ZFAND6: variants seen among roughly 807,000 people sequenced by gnomAD.
ZFAND6 encodes the protein AN1-type zinc finger protein 6.
ZFAND6 carries 12 observed loss-of-function variants against 24.5 expected under a neutral mutation model. That is an observed-to-expected ratio of 0.49 (90% CI 0.31 to 0.79). ZFAND6 has a LOEUF of 0.79. ZFAND6 is among the 30% of genes least tolerant of loss of function. The pLI, the probability that ZFAND6 is intolerant of heterozygous loss-of-function variation, is 0.04. For missense variants in ZFAND6, 207 were observed against 245.9 expected (o/e 0.84, Z 1.06); for synonymous variants, 92 against 81.5 (o/e 1.13, Z -0.69).
At chr15:80,133,456 A>G (rs1012600942) in intron 6 of ZFAND6, among the ~76,000 whole-genome samples, 2 of 151,978 alleles carry the variant, frequency 1.3e-5, no homozygotes, top group African/African-American at 4.8e-5. Context: ...CAGCCTCCCA[A>G]AGTGCTGGGA....
At chr15:80,064,062 A>G (rs575001383) in intron 1 of ZFAND6, among the ~76,000 whole-genome samples, 8 of 152,352 alleles carry the variant, frequency 5.3e-5, no homozygotes, top group Non-Finnish European at 1.0e-4. Flanking sequence ...TCCATCTTAT[A>G]AAAGTACTAT....
intron 2 of ZFAND6, among the ~76,000 whole-genome samples, chr15:80,108,351 A>G (rs2039442428): frequency 1.3e-5 from 2 of 152,204 alleles, no homozygotes; most frequent in African/African-American, 2.4e-5. Flanking sequence ...AAGTCTACAT[A>G]GTTGAATTAA....
intron 1 of ZFAND6, among the ~76,000 whole-genome samples, chr15:80,066,332 A>ATTTT: frequency 6.6e-6 from 1 of 152,092 alleles, no homozygotes; most frequent in South Asian, 2.1e-4. Flanking sequence ...AAAAAAAAAA[A>ATTTT]AACGGAGTCT....
chr15:80,118,761 CT>C (rs879267754), intron 2 of ZFAND6, among the ~76,000 whole-genome samples: 88 of 145,810 alleles, frequency 6.0e-4, no homozygotes, highest in Admixed American at 6.9e-4. Flanking sequence ...AGTTTTAGGA[CT>C]TTTTTTTTTT....
intron 1 of ZFAND6, among the ~76,000 whole-genome samples, chr15:80,080,898 A>T (rs1362889621): frequency 6.6e-6 from 1 of 152,196 alleles, no homozygotes; most frequent in Non-Finnish European, 1.5e-5. Flanking sequence ...CAAGGACAGC[A>T]CCAAGGGGAT....
At chr15:80,068,783 T>C (rs1228366861) in intron 1 of ZFAND6, among the ~76,000 whole-genome samples, 2 of 152,218 alleles carry the variant, frequency 1.3e-5, no homozygotes, top group Non-Finnish European at 2.9e-5. Context: ...ATGTGACTAC[T>C]AGGAAATAGA....
chr15:80,128,162 G>GA (rs1331090497), intron 5 of ZFAND6, among the ~76,000 whole-genome samples: 1 of 152,236 alleles, frequency 6.6e-6, no homozygotes, highest in East Asian at 1.9e-4. Flanking sequence ...GTGGTTGCCA[G>GA]AAACCGTGGG....
chr15:80,122,241 G>T (rs1428491767), intron 4 of ZFAND6, among the ~76,000 whole-genome samples: 1 of 151,990 alleles, frequency 6.6e-6, no homozygotes. Flanking sequence ...TTTTAACTCT[G>T]AAGTCACATC....
intron 6 of ZFAND6, among the ~76,000 whole-genome samples, chr15:80,134,349 C>G (rs563492730): frequency 3.3e-5 from 5 of 152,300 alleles, no homozygotes; most frequent in Admixed American, 3.3e-4. Flanking sequence ...GAGTTCAGCA[C>G]TGAAGGCGTC....
intron 1 of ZFAND6, among the ~76,000 whole-genome samples, chr15:80,071,977 G>A (rs1470243750): frequency 2.0e-5 from 3 of 152,004 alleles, no homozygotes; most frequent in Non-Finnish European, 2.9e-5. Flanking sequence ...TTTCTACTCT[G>A]TTGTGATACT....
At chr15:80,087,016 T>G (rs2038046713) in intron 1 of ZFAND6, among the ~76,000 whole-genome samples, 1 of 152,254 alleles carries the variant, frequency 6.6e-6, no homozygotes, top group Non-Finnish European at 1.5e-5. Flanking sequence ...AAAGGTGGAA[T>G]AATACTCTCT....
intron 2 of ZFAND6, among the ~76,000 whole-genome samples, chr15:80,100,469 A>G (rs976058825): frequency 2.6e-5 from 4 of 152,142 alleles, no homozygotes; most frequent in Admixed American, 6.5e-5. Flanking sequence ...ATTGGTCCCA[A>G]ATTTCTTTTT....
chr15:80,062,432 TC>T (rs961558312), intron 1 of ZFAND6, among the ~76,000 whole-genome samples: 1 of 152,224 alleles, frequency 6.6e-6, no homozygotes, highest in Non-Finnish European at 1.5e-5. Context: ...AAGGTGTGTT[TC>T]CCGAGGATCT....
chr15:80,110,018 T>C lies in ZFAND6; in HGVS notation c.-17-10310T>C, dbSNP rs531152264. 4.6e-5 allele frequency among the ~76,000 whole-genome samples: 7 copies of C among 152,348 alleles called. No homozygotes were observed. The East Asian group carries it at 5.8e-4, about 13-fold the overall frequency. On this transcript the variant is annotated intron_variant, in intron 2 of 6. Coordinates refer to ENST00000261749, the MANE Select transcript of ZFAND6 (RefSeq NM_019006.4). ...AGATCGGCTTCCTGGTTCACTCATA[T>C]AGCTGTTGGCCAGAGACCTCAGCTA...
chr15:80,064,770 AACTGGG>A (rs1325544836), intron 1 of ZFAND6, among the ~76,000 whole-genome samples: 1 of 151,976 alleles, frequency 6.6e-6, no homozygotes, highest in Admixed American at 6.6e-5. Context: ...CCTCCTGTGT[AACTGGG>A]ATTACAGGCG....
intron 2 of ZFAND6, among the ~76,000 whole-genome samples, chr15:80,101,502 C>G (rs2039028861): frequency 6.6e-6 from 1 of 152,112 alleles, no homozygotes; most frequent in African/African-American, 2.4e-5. Flanking sequence ...CCCTGCCTTC[C>G]TGTCTCAATC....
intron 5 of ZFAND6, chr15:80,130,147 T>C (rs2040533974): frequency 6.6e-6 from 1 of 152,154 alleles, no homozygotes; most frequent in Admixed American, 6.5e-5. Context: ...GTGTGAAGCA[T>C]GGATTGTAGA....
intron 5 of ZFAND6, among the ~76,000 whole-genome samples, chr15:80,126,129 C>G (rs930719494): frequency 2.6e-5 from 4 of 152,140 alleles, no homozygotes; most frequent in African/African-American, 9.7e-5. Context: ...GAGAGGAATG[C>G]TGTGCTTAGT....
intron 2 of ZFAND6, among the ~76,000 whole-genome samples, chr15:80,103,877 C>CT (rs1309966782): frequency 9.9e-5 from 15 of 152,126 alleles, no homozygotes; most frequent in Admixed American, 6.5e-5. Context: ...AAACAAGAGT[C>CT]TTGCTCTGTC....
Sources: allele counts gnomAD v4.1 joint callset (sites outside exome capture counted in the v4.1 genomes callset), GRCh38; gene constraint gnomAD v4.1.1; transcripts MANE v1.5; gene names NCBI Gene and HGNC (gene_info 2026-07-23, HGNC 2026-07-21).